The following FMN2 variants were observed in gnomAD, a reference collection of about 807,000 sequenced individuals.
FMN2 encodes the protein formin 2.
A neutral mutation model predicts 142.3 loss-of-function variants in FMN2; 51 were observed. The ratio of observed to expected loss-of-function variants is 0.36; its 90% CI spans 0.29 to 0.45. The LOEUF (loss-of-function observed/expected upper bound fraction) is 0.45. Ranked by LOEUF, FMN2 falls within the 20% of genes least tolerant of loss-of-function variation. FMN2 has a pLI of 1.00. For synonymous variants in FMN2, 882 were observed against 869.8 expected, an observed-to-expected ratio of 1.01 and a Z score of -0.25; for missense variants, 1,936 against 2,122.8, an observed-to-expected ratio of 0.91 and a Z score of 1.73.
At chr1:240,288,083 C>T (rs1187842956) in intron 7 of FMN2, among the ~76,000 whole-genome samples, 2 of 152,194 alleles carry the variant, frequency 1.3e-5, no homozygotes, top group Non-Finnish European at 2.9e-5. Flanking sequence ...AGTTGATTTT[C>T]AGGAATTGCT....
chr1:240,255,087 G>T (rs899760503), intron 6 of FMN2, among the ~76,000 whole-genome samples: 1 of 152,150 alleles, frequency 6.6e-6, no homozygotes, highest in Non-Finnish European at 1.5e-5. Flanking sequence ...GGGCTGCTGG[G>T]GTCGCTCACT....
chr1:240,396,760 C>T (rs1303780466), intron 15 of FMN2, among the ~76,000 whole-genome samples: 2 of 152,190 alleles, frequency 1.3e-5, no homozygotes, highest in Non-Finnish European at 2.9e-5. Context: ...CCAGCTCCAT[C>T]TGCGTTCCTG....
chr1:240,145,089 G>A, intron 2 of FMN2: 1 of 1,450,550 alleles, frequency 6.9e-7, no homozygotes, highest in Non-Finnish European at 9.7e-7. Context: ...AGACATTTGA[G>A]AGACTTGGTC....
At chr1:240,291,344 A>G (rs1458916647) in intron 7 of FMN2, among the ~76,000 whole-genome samples, 1 of 144,236 alleles carries the variant, frequency 6.9e-6, no homozygotes, top group African/African-American at 2.5e-5. Context: ...TGAGAAAGTG[A>G]TTAAAACTGC....
At position 240,442,577 on chromosome 1, in the gene FMN2, G is replaced by T. The variant is rs145639330; in HGVS notation, c.5060+4367G>T. Among the ~76,000 whole-genome samples the T allele has an allele frequency of 1.5e-3, 223 of 152,252 alleles. 2 individuals are homozygous for T. The highest frequency in any genetic ancestry group is 2.5e-3 in the Non-Finnish European group (170 of 68,020). On this transcript the variant is annotated intron_variant, in intron 16 of 17. Coordinates refer to ENST00000319653, the MANE Select transcript of FMN2 (RefSeq NM_020066.5). ...AAATAACCTGAAAGATGGTGTTAATGGTGTCCTTGAAATTTTTCTGATAGA... is the reference window on the plus strand; with the variant it reads ...AAATAACCTGAAAGATGGTGTTAATTGTGTCCTTGAAATTTTTCTGATAGA...
chr1:240,226,854 G>A (rs1667324662), intron 6 of FMN2, among the ~76,000 whole-genome samples: 1 of 151,578 alleles, frequency 6.6e-6, no homozygotes, highest in South Asian at 2.1e-4. Flanking sequence ...ACACACAAAT[G>A]GGACTAGAAG....
chr1:240,191,071 C>T (rs991269789), intron 4 of FMN2, among the ~76,000 whole-genome samples: 8 of 152,268 alleles, frequency 5.3e-5, no homozygotes, highest in Non-Finnish European at 8.8e-5. Context: ...GGTCCATCAG[C>T]GTTGCCTGCG....
intron 6 of FMN2, among the ~76,000 whole-genome samples, chr1:240,234,475 T>G (rs1667630939): frequency 6.6e-6 from 1 of 152,222 alleles, no homozygotes; most frequent in Non-Finnish European, 1.5e-5. Flanking sequence ...GCATTGTATG[T>G]GAAGATGCTG....
At chr1:240,334,444 G>T (rs1186021099) in intron 13 of FMN2, among the ~76,000 whole-genome samples, 1 of 152,084 alleles carries the variant, frequency 6.6e-6, no homozygotes, top group Non-Finnish European at 1.5e-5. Flanking sequence ...TAATATCTTG[G>T]TTATTTCAAT....
At chr1:240,451,453 A>G (rs1676042128) in intron 16 of FMN2, among the ~76,000 whole-genome samples, 1 of 152,002 alleles carries the variant, frequency 6.6e-6, no homozygotes, top group Non-Finnish European at 1.5e-5. Flanking sequence ...AACCAGCGTC[A>G]TTAGGTCAGT....
intron 6 of FMN2, among the ~76,000 whole-genome samples, chr1:240,244,729 A>G (rs964762123): frequency 2.6e-5 from 4 of 152,198 alleles, no homozygotes; most frequent in African/African-American, 9.6e-5. Flanking sequence ...TTTTTAAAAC[A>G]TACATATTCC....
At chr1:240,439,704 A>G (rs1161967892) in intron 16 of FMN2, among the ~76,000 whole-genome samples, 1 of 152,248 alleles carries the variant, frequency 6.6e-6, no homozygotes, top group Admixed American at 6.5e-5. Flanking sequence ...GGTGGGGTAG[A>G]AGAGATAATT....
intron 14 of FMN2, among the ~76,000 whole-genome samples, chr1:240,391,443 T>A (rs1429642634): frequency 1.3e-5 from 2 of 150,940 alleles, no homozygotes; most frequent in Admixed American, 6.7e-5. Flanking sequence ...CCATTTTTTT[T>A]ATAATCAATT....
chr1:240,114,719 G>A (rs1466926584), intron 1 of FMN2, among the ~76,000 whole-genome samples: 1 of 148,804 alleles, frequency 6.7e-6, no homozygotes, highest in Non-Finnish European at 1.5e-5. Context: ...GTGCAATGGC[G>A]AGATTTCAGC....
At chr1:240,349,911 T>C (rs1291373754) in intron 13 of FMN2, among the ~76,000 whole-genome samples, 1 of 152,136 alleles carries the variant, frequency 6.6e-6, no homozygotes, top group African/African-American at 2.4e-5. Context: ...TTTAATAATG[T>C]TTCTAAATGA....
At chr1:240,195,616 C>T (rs1665883295) in intron 4 of FMN2, among the ~76,000 whole-genome samples, 1 of 152,182 alleles carries the variant, frequency 6.6e-6, no homozygotes, top group South Asian at 2.1e-4. Flanking sequence ...GAATCTAAAC[C>T]TGTATTTTTT....
Position 240,208,270 on chromosome 1 carries a change from C to G in FMN2, c.3458C>G (p.Pro1153Arg). 1 of 464,986 alleles carries G rather than the reference C, an allele frequency of 2.2e-6. No homozygotes were observed. Among genetic ancestry groups the G allele is most frequent in the Non-Finnish European group, 3.5e-6 (1 of 285,458 alleles). 28.8% of individuals were successfully genotyped at this position (464,986 alleles called of 1,614,324 possible). Residue 1153 changes from proline to arginine, a missense_variant, in exon 5 of 18, where the codon CCT (proline) becomes CGT (arginine). By Grantham distance (103) the Pro-to-Arg change is moderately radical (BLOSUM62 -2). This residue lies in a region of FMN2 where 56 missense variants were observed against 111.8 expected (regional missense o/e 0.50). Coordinates refer to ENST00000319653, the MANE Select transcript of FMN2 (RefSeq NM_020066.5). ...CCTCTACCCAGAGTGGGCATACCCC[C>G]TCCGCCCCCACTTCCCGGAGCGGGC... ...PPPLPRVGIPPPPPLPGAGIP... is the reference protein window; with the variant it reads ...PPPLPRVGIPRPPPLPGAGIP...
rs572311829 is a variant in FMN2, at chr1:240,207,123, C to G, written c.2311C>G (p.Pro771Ala). Reference sequence around the variant, plus strand: ...GCTGCCAGGGCGTCCTCCATGCCCCCCTGGGGCTGAAAGTGGACCTCAGAC... The same window carrying G: ...GCTGCCAGGGCGTCCTCCATGCCCCGCTGGGGCTGAAAGTGGACCTCAGAC... ...DGLPGRPPCP[P>A]GAESGPQTKF... is the part of the protein sequence containing the mutation. The change falls in exon 5 of 18, where the codon CCT (proline) becomes GCT (alanine). Residue 771 changes from proline (P) to alanine (A), a missense_variant. Coordinates refer to ENST00000319653, the MANE Select transcript of FMN2 (RefSeq NM_020066.5). 11 of 1,614,098 alleles carry G rather than the reference C, an allele frequency of 6.8e-6. No homozygotes were observed. The African/African-American group carries it at 1.1e-4, about 16-fold the overall frequency.
At chr1:240,225,282 A>G (rs1667260458) in intron 6 of FMN2, among the ~76,000 whole-genome samples, 1 of 152,210 alleles carries the variant, frequency 6.6e-6, no homozygotes, top group African/African-American at 2.4e-5. Context: ...GGTAGAAAAA[A>G]TTGGTAAATT....
Sources: allele counts gnomAD v4.1 joint callset (sites outside exome capture counted in the v4.1 genomes callset), GRCh38; gene constraint gnomAD v4.1.1; regional missense constraint gnomAD v4.1.1; transcripts MANE v1.5; gene names NCBI Gene and HGNC (gene_info 2026-07-23, HGNC 2026-07-21).